The following MAPK10 variants were observed in gnomAD, a reference collection of about 807,000 sequenced individuals.
MAPK10 encodes JNK3 alpha protein kinase.
A neutral mutation model predicts 59.3 loss-of-function variants in MAPK10; 25 were observed. That is an observed-to-expected ratio of 0.42 (90% CI 0.31 to 0.59). The LOEUF is 0.59. Among genes scored for constraint, MAPK10 ranks in the 20% least tolerant of loss-of-function variants. The probability of loss-of-function intolerance (pLI) is 0.15; values close to 1 mark genes in which losing one functional copy is unlikely to be tolerated. For missense variants in MAPK10, 351 were observed against 568.9 expected, an observed-to-expected ratio of 0.62 and a Z score of 3.90; for synonymous variants, 190 against 200.5, an observed-to-expected ratio of 0.95 and a Z score of 0.44.
intron 1 of MAPK10, among the ~76,000 whole-genome samples, chr4:86,523,797 T>C (rs936468382): frequency 1.3e-5 from 2 of 152,182 alleles, no homozygotes; most frequent in African/African-American, 4.8e-5. Flanking sequence ...TCTCTAAATA[T>C]CCGATGGTTA....
intron 1 of MAPK10, among the ~76,000 whole-genome samples, chr4:86,549,966 T>C (rs1281948144): frequency 3.9e-5 from 6 of 152,120 alleles, no homozygotes; most frequent in Non-Finnish European, 8.8e-5. Flanking sequence ...GGCCAGAAAA[T>C]AAATCTTACA....
chr4:86,397,278 T>G (rs980153350), intron 1 of MAPK10, among the ~76,000 whole-genome samples: 2 of 152,196 alleles, frequency 1.3e-5, no homozygotes, highest in Non-Finnish European at 1.5e-5. Context: ...TCTCAATCTA[T>G]GAGGTGAATT....
rs117833943 is a variant in MAPK10, at chr4:86,431,138, T to C, written c.-122+21892A>G. ...AAGAAAAGAAAAAAGAAAAGGAAGA[T>C]AACCTTTTAACAGTTTCAAGTCAAA... On this transcript the variant is annotated intron_variant, in intron 1 of 13. Transcript: ENST00000361569. Among the ~76,000 whole-genome samples the C allele has an allele frequency of 8.1e-4, 123 of 152,134 alleles. 2 individuals are homozygous for C. In the East Asian group the frequency reaches 0.021, roughly 26 times the overall value.
intron 2 of MAPK10, among the ~76,000 whole-genome samples, chr4:86,277,929 C>G (rs1164993835): frequency 1.3e-5 from 2 of 152,014 alleles, no homozygotes; most frequent in Non-Finnish European, 2.9e-5. Context: ...TGGAATACTA[C>G]TCCTAAGGAT....
At chr4:86,335,535 C>A (rs970565245) in intron 2 of MAPK10, among the ~76,000 whole-genome samples, 1 of 151,958 alleles carries the variant, frequency 6.6e-6, no homozygotes, top group East Asian at 1.9e-4. Context: ...CTCTCACCCC[C>A]TTCTTCTTCT....
chr4:86,305,644 C>A (rs1345165825), intron 2 of MAPK10, among the ~76,000 whole-genome samples: 1 of 151,950 alleles, frequency 6.6e-6, no homozygotes, highest in Non-Finnish European at 1.5e-5. Context: ...CATGGCAAAA[C>A]CCTGTCTCTA....
At chr4:86,500,809 T>C (rs1028330523) in intron 1 of MAPK10, among the ~76,000 whole-genome samples, 21 of 152,164 alleles carry the variant, frequency 1.4e-4, no homozygotes, top group Non-Finnish European at 2.9e-5. Context: ...TTATTAGCTA[T>C]GCAAAATGAA....
intron 2 of MAPK10, among the ~76,000 whole-genome samples, chr4:86,222,314 A>C (rs1333180900): frequency 2.0e-5 from 3 of 152,110 alleles, no homozygotes; most frequent in African/African-American, 7.2e-5. Context: ...AAACTAAGGC[A>C]CTCATTTATC....
chr4:86,230,628 T>G (rs1225333923), intron 2 of MAPK10, among the ~76,000 whole-genome samples: 1 of 152,208 alleles, frequency 6.6e-6, no homozygotes, highest in Non-Finnish European at 1.5e-5. Flanking sequence ...ACTAATGAAA[T>G]TGTACTTATA....
chr4:86,284,302 C>G (rs1010197067), intron 2 of MAPK10, among the ~76,000 whole-genome samples: 2 of 152,196 alleles, frequency 1.3e-5, no homozygotes, highest in African/African-American at 4.8e-5. Flanking sequence ...TTCTGGCAAG[C>G]CTGACTCTAG....
At chr4:86,214,467 C>A (rs1311727429) in intron 2 of MAPK10, among the ~76,000 whole-genome samples, 5 of 134,330 alleles carry the variant, frequency 3.7e-5, no homozygotes, top group Admixed American at 3.2e-4. Context: ...TATATTTGTT[C>A]ACAGATAATC....
chr4:86,223,296 A>G (rs767622474), intron 2 of MAPK10, among the ~76,000 whole-genome samples: 1 of 152,060 alleles, frequency 6.6e-6, no homozygotes, highest in Non-Finnish European at 1.5e-5. Flanking sequence ...CCCTCCCCCA[A>G]GACTTCTTCA....
intron 2 of MAPK10, among the ~76,000 whole-genome samples, chr4:86,227,404 G>A (rs905556942): frequency 1.3e-5 from 2 of 151,002 alleles, no homozygotes; most frequent in African/African-American, 4.9e-5. Context: ...GGAGAATGGC[G>A]TGAACCCGGG....
chr4:86,444,320 A>T (rs1205814980), intron 1 of MAPK10, among the ~76,000 whole-genome samples: 1 of 152,188 alleles, frequency 6.6e-6, no homozygotes, highest in Non-Finnish European at 1.5e-5. Flanking sequence ...TTTTGAAAGA[A>T]GCCAGAGGGA....
chr4:86,519,992 T>C lies in MAPK10; in HGVS notation c.-263+73918A>G, dbSNP rs184892060. On this transcript the variant is annotated intron_variant, in intron 1 of 4. Coordinates refer to the MAPK10 transcript ENST00000502302. The stretch of plus-strand genomic sequence containing the variant: ...TTTCTGATGAGAAATCTGCTGTTAA[T>C]CTGACAGGTTTTCCTTTATAAGTTA... 2.8e-3 allele frequency among the ~76,000 whole-genome samples: 432 copies of C among 152,348 alleles called. 1 individual carries two copies. The highest frequency in any genetic ancestry group is 5.2e-3 in the Admixed American group (79 of 15,304).
chr4:86,366,128 G>A (rs1737849546), intron 1 of MAPK10, among the ~76,000 whole-genome samples: 1 of 151,930 alleles, frequency 6.6e-6, no homozygotes, highest in Admixed American at 6.6e-5. Flanking sequence ...TGCTGAGTGA[G>A]AAATAAGACA....
chr4:86,427,192 G>T (rs1747401662), intron 1 of MAPK10, among the ~76,000 whole-genome samples: 1 of 149,578 alleles, frequency 6.7e-6, no homozygotes, highest in Non-Finnish European at 1.5e-5. Flanking sequence ...GGGAGGCAGA[G>T]CTTGCAGTGA....
At chr4:86,047,238 C>T (rs548692928) in intron 11 of MAPK10, among the ~76,000 whole-genome samples, 32 of 152,010 alleles carry the variant, frequency 2.1e-4, no homozygotes, top group Non-Finnish European at 4.1e-4. Context: ...GGCAAGGGGG[C>T]GGCCGAAGAG....
chr4:86,171,791 A>T (rs1402474329), intron 3 of MAPK10, among the ~76,000 whole-genome samples: 1 of 151,266 alleles, frequency 6.6e-6, no homozygotes, highest in Non-Finnish European at 1.5e-5. Flanking sequence ...TGAACAGGCA[A>T]CCTACAAAAT....
Sources: allele counts gnomAD v4.1 joint callset (sites outside exome capture counted in the v4.1 genomes callset), GRCh38; gene constraint gnomAD v4.1.1; transcripts MANE v1.5; gene names NCBI Gene and HGNC (gene_info 2026-07-23, HGNC 2026-07-21).